ATP9B: variants seen among roughly 807,000 people sequenced by gnomAD.
ATP9B encodes probable phospholipid-transporting ATPase IIB.
Under a neutral mutation model 146.1 loss-of-function variants are expected in ATP9B, and 110 were observed. The ratio of observed to expected loss-of-function variants is 0.75; its 90% CI spans 0.65 to 0.88. The LOEUF (loss-of-function observed/expected upper bound fraction) is 0.88, where lower values mean the gene tolerates loss of function less well. ATP9B is among the 40% of genes least tolerant of loss of function. The probability of loss-of-function intolerance (pLI) is 0.00; values close to 1 mark genes in which losing one functional copy is unlikely to be tolerated. For missense variants in ATP9B, 1,499 were observed against 1,496.4 expected, an observed-to-expected ratio of 1.00 and a Z score of -0.03; for synonymous variants, 604 against 569.7, an observed-to-expected ratio of 1.06 and a Z score of -0.86.
chr18:79,203,324 A>G (rs915012831), intron 9 of ATP9B, among the ~76,000 whole-genome samples: 2 of 152,038 alleles, frequency 1.3e-5, no homozygotes, highest in African/African-American at 4.8e-5. Context: ...TCTTAGAGGC[A>G]GGAGGGCGTA....
chr18:79,226,075 A>C (rs531976431), intron 11 of ATP9B, among the ~76,000 whole-genome samples: 1 of 152,220 alleles, frequency 6.6e-6, no homozygotes, highest in Non-Finnish European at 1.5e-5. Context: ...TTCAGAGTCC[A>C]TAGTGCAGAG....
Position 79,208,993 on chromosome 18 carries a change from C to G in ATP9B, c.1030+1981C>G, listed in dbSNP as rs375115309. Among the ~76,000 whole-genome samples, 364 of 152,354 alleles carry G rather than the reference C, an allele frequency of 2.4e-3. 2 individuals carry two copies. The highest frequency in any genetic ancestry group is 6.4e-3 in the South Asian group (31 of 4,828). ...GGGAAACCTGCCCTCCAGCCTTCTT[C>G]ATGCTGCTGCCTTGGCATTGCTGAG... On this transcript the variant is annotated intron_variant, in intron 10 of 29. Transcript: ENST00000426216.
chr18:79,275,638 A>T (rs1222487826), intron 12 of ATP9B, among the ~76,000 whole-genome samples: 1 of 152,242 alleles, frequency 6.6e-6, no homozygotes, highest in Non-Finnish European at 1.5e-5. Context: ...GGTAACTTGT[A>T]GGCGTCAGCA....
chr18:79,205,343 A>AGACGGCC, intron 9 of ATP9B, among the ~76,000 whole-genome samples: 1 of 152,272 alleles, frequency 6.6e-6, no homozygotes, highest in Non-Finnish European at 1.5e-5. Context: ...GTAATGAGCA[A>AGACGGCC]AACGGCCAAA....
chr18:79,251,745 G>A (rs1290037759), intron 11 of ATP9B, among the ~76,000 whole-genome samples: 2 of 152,192 alleles, frequency 1.3e-5, no homozygotes, highest in Non-Finnish European at 2.9e-5. Flanking sequence ...GGGCAAAGTT[G>A]CAGATTTTTC....
At chr18:79,187,710 A>T (rs545620335) in intron 8 of ATP9B, among the ~76,000 whole-genome samples, 32 of 152,284 alleles carry the variant, frequency 2.1e-4, no homozygotes, top group African/African-American at 7.2e-4. Flanking sequence ...TGAGAACAGG[A>T]TGCTCCCTTT....
At position 79,124,364 on chromosome 18, in the gene ATP9B, TAAAA is replaced by T. The variant is rs1391559008; in HGVS notation, c.559-1899_559-1896del. On this transcript the variant is annotated intron_variant, in intron 4 of 29. Coordinates refer to ENST00000426216, the MANE Select transcript of ATP9B (RefSeq NM_198531.5). ...ATTATATATCAACAAAGCTATTATC[TAAAA>T]AAAGAATACAGTGTGTGCTAAAGGA... Among the ~76,000 whole-genome samples the T allele has an allele frequency of 2.0e-5, 3 of 152,232 alleles. No homozygotes were observed. In the East Asian group the frequency reaches 5.8e-4, roughly 29 times the overall value.
rs569286428 is a variant in ATP9B, at chr18:79,144,195, A to G, written c.726+335A>G. On this transcript the variant is annotated intron_variant, in intron 6 of 29. Coordinates refer to ENST00000426216, the MANE Select transcript of ATP9B (RefSeq NM_198531.5). ...TTCAGTTTTCAGAACTTCCTCCTAC[A>G]GGGATAATCATCCCTCAATATCCAT... 23 of 168,242 alleles carry G rather than the reference A, an allele frequency of 1.4e-4. 1 individual carries two copies. The South Asian group carries it at 4.0e-3, about 30-fold the overall frequency. 10.4% of individuals were successfully genotyped at this position (168,242 alleles called of 1,614,324 possible).
intron 25 of ATP9B, among the ~76,000 whole-genome samples, chr18:79,356,627 C>T (rs1011110994): frequency 6.6e-6 from 1 of 152,230 alleles, no homozygotes; most frequent in Non-Finnish European, 1.5e-5. Flanking sequence ...CGCCAGTCCC[C>T]GAAGTTAACC....
intron 25 of ATP9B, chr18:79,353,151 G>T (rs1011655980): frequency 1.3e-5 from 2 of 152,274 alleles, no homozygotes; most frequent in African/African-American, 4.8e-5. Context: ...GGGCAGCAGG[G>T]TGGCACTGCT....
intron 3 of ATP9B, among the ~76,000 whole-genome samples, chr18:79,112,192 G>T (rs2093987723): frequency 6.6e-6 from 1 of 152,112 alleles, no homozygotes; most frequent in Non-Finnish European, 1.5e-5. Flanking sequence ...TTAACCCATT[G>T]CCCTGCTTGG....
rs542488941 is a variant in ATP9B at position 79,319,668 on chromosome 18, C to T, written c.1774-9473C>T. Among the ~76,000 whole-genome samples, 111 of 152,248 alleles carry T rather than the reference C, an allele frequency of 7.3e-4. 1 individual carries two copies. The highest frequency in any genetic ancestry group is 3.4e-3 in the Middle Eastern group (1 of 294). ...ATAGCACAAAAAGATTTAAGGAAAC[C>T]GGCCTGAAGAATATCTGTACCGTAT... On this transcript the variant is annotated intron_variant, in intron 15 of 29. Coordinates refer to ENST00000426216, the MANE Select transcript of ATP9B (RefSeq NM_198531.5).
intron 12 of ATP9B, among the ~76,000 whole-genome samples, chr18:79,261,735 G>A (rs1200500665): frequency 6.6e-6 from 1 of 152,160 alleles, no homozygotes; most frequent in African/African-American, 2.4e-5. Context: ...GTCAGGAAGG[G>A]TGAGATGCTG....
chr18:79,134,238 T>C (rs1286503579), intron 5 of ATP9B, among the ~76,000 whole-genome samples: 1 of 152,228 alleles, frequency 6.6e-6, no homozygotes. Flanking sequence ...GTTCTTGTTC[T>C]GTCCTGTACT....
Position 79,069,435 on chromosome 18 carries a change from C to G in ATP9B, c.25C>G (p.Pro9Ala), listed in dbSNP as rs775231890. Residue 9 changes from proline to alanine, a missense_variant, in exon 1 of 30, where the codon CCG (proline) becomes GCG (alanine). Physicochemically the swap from Pro to Ala is conservative, Grantham distance 27. Transcript: ENST00000426216. ...CATGGCGGACCAGATCCCGCTTTAC[C>G]CGGTGCGTAGCGCAGCGGCGGCCGC... MADQIPLY[P>A]VRSAAAAAAN... is the part of the protein sequence containing the mutation. The G allele has an allele frequency of 7.2e-6, 11 of 1,521,728 alleles. No homozygotes were observed. The African/African-American group carries it at 1.3e-4, about 18-fold the overall frequency. The allele number at this position is 1,521,728 out of a possible 1,614,324, so 94.3% of individuals were successfully genotyped here. A position where few individuals can be genotyped will look rare whatever the true frequency, so the allele number is the denominator to read the frequency against.
chr18:79,072,393 C>T (rs2146368776), intron 1 of ATP9B, among the ~76,000 whole-genome samples: 1 of 152,272 alleles, frequency 6.6e-6, no homozygotes, highest in African/African-American at 2.4e-5. Flanking sequence ...TTTAACAAAG[C>T]ACATCTTGCA....
At chr18:79,234,860 A>G (rs917269652) in intron 11 of ATP9B, among the ~76,000 whole-genome samples, 2 of 152,164 alleles carry the variant, frequency 1.3e-5, no homozygotes, top group Non-Finnish European at 1.5e-5. Flanking sequence ...TTTGTATTAT[A>G]AGCTTATTGC....
intron 1 of ATP9B, among the ~76,000 whole-genome samples, chr18:79,071,889 G>GTTT (rs71161758): frequency 2.2e-5 from 2 of 91,456 alleles, no homozygotes; most frequent in Admixed American, 9.7e-5. Flanking sequence ...GTTTGGTTTT[G>GTTT]TTTTTTTTTT....
At chr18:79,348,265 AAAAAC>A (rs1275376588) in intron 25 of ATP9B, 69 bp downstream of exon 25, 265 of 1,074,532 alleles carry the variant, frequency 2.5e-4, no homozygotes, top group Middle Eastern at 4.8e-4. Context: ...AAAAAAAAAA[AAAAAC>A]AAAAAACGTA....
Sources: allele counts gnomAD v4.1 joint callset (sites outside exome capture counted in the v4.1 genomes callset), GRCh38; gene constraint gnomAD v4.1.1; transcripts MANE v1.5; gene names NCBI Gene and HGNC (gene_info 2026-07-23, HGNC 2026-07-21).